RFX3: variants seen among roughly 807,000 people sequenced by gnomAD.
The protein encoded by RFX3 is transcription factor RFX3.
RFX3 carries 14 observed loss-of-function variants against 98.6 expected under a neutral mutation model. The ratio of observed to expected loss-of-function variants is 0.14; its 90% CI spans 0.09 to 0.22. The LOEUF (loss-of-function observed/expected upper bound fraction) is 0.22. Among genes scored for constraint, RFX3 ranks in the 10% least tolerant of loss-of-function variants. RFX3 has a pLI of 1.00. For synonymous variants in RFX3, 383 were observed against 328.4 expected, an observed-to-expected ratio of 1.17 and a Z score of -1.80; for missense variants, 639 against 926.9, an observed-to-expected ratio of 0.69 and a Z score of 4.03.
In RFX3 at chr9:3,421,268, C is replaced by T. The variant is rs997795437; in HGVS notation, c.-8-25672G>A. ...CAAAGCTTACAAAGTCTTGAGGAGCCGGTCAAAACCAAGTGGAGAAAGCTA... is the reference window on the plus strand; with the variant it reads ...CAAAGCTTACAAAGTCTTGAGGAGCTGGTCAAAACCAAGTGGAGAAAGCTA... On this transcript the variant is annotated intron_variant, in intron 1 of 16. Transcript: ENST00000617270. Among the ~76,000 whole-genome samples, 12 of 152,208 alleles carry T rather than the reference C, an allele frequency of 7.9e-5. No individual in the cohort carries two copies. The East Asian group carries it at 1.7e-3, about 22-fold the overall frequency.
At chr9:3,239,591 A>G (rs1279789194) in intron 15 of RFX3, among the ~76,000 whole-genome samples, 2 of 152,230 alleles carry the variant, frequency 1.3e-5, no homozygotes, top group South Asian at 2.1e-4. Context: ...ACACACTTAC[A>G]AGTGAGTGTG....
intron 1 of RFX3, among the ~76,000 whole-genome samples, chr9:3,484,826 G>A (rs1399324322): frequency 2.6e-5 from 4 of 152,034 alleles, no homozygotes; most frequent in Non-Finnish European, 5.9e-5. Context: ...GGCTCAACCT[G>A]TAATCCTAAC....
At chr9:3,440,315 T>C (rs533317488) in intron 1 of RFX3, among the ~76,000 whole-genome samples, 1 of 152,014 alleles carries the variant, frequency 6.6e-6, no homozygotes, top group East Asian at 1.9e-4. Context: ...GAAATAAAAT[T>C]CTATTCAGAC....
chr9:3,398,648 T>C (rs1322109074), intron 1 of RFX3, among the ~76,000 whole-genome samples: 3 of 152,118 alleles, frequency 2.0e-5, no homozygotes, highest in African/African-American at 4.8e-5. Flanking sequence ...CTTACAATGA[T>C]GTCACTCGCA....
chr9:3,302,669 T>C (rs1828805302), intron 4 of RFX3, among the ~76,000 whole-genome samples: 1 of 151,844 alleles, frequency 6.6e-6, no homozygotes, highest in Non-Finnish European at 1.5e-5. Context: ...TTCTTATACT[T>C]TGACTATGGA....
intron 15 of RFX3, among the ~76,000 whole-genome samples, chr9:3,231,311 T>C (rs1439477356): frequency 6.6e-6 from 1 of 152,178 alleles, no homozygotes; most frequent in Admixed American, 6.5e-5. Flanking sequence ...ATATGCATTT[T>C]ACATGTGAGG....
At chr9:3,524,165 G>C (rs1362678168) in intron 1 of RFX3, among the ~76,000 whole-genome samples, 2 of 152,054 alleles carry the variant, frequency 1.3e-5, no homozygotes, top group East Asian at 3.8e-4. Flanking sequence ...CATTATATTT[G>C]TTTTAGCACA....
chr9:3,335,962 T>A (rs1833129611), intron 3 of RFX3, among the ~76,000 whole-genome samples: 3 of 152,340 alleles, frequency 2.0e-5, no homozygotes, highest in Non-Finnish European at 4.4e-5. Context: ...ACCAGTTTTT[T>A]TCTGTTTTCT....
intron 14 of RFX3, 63 bp from the exon 15 acceptor site, chr9:3,248,248 A>G: frequency 6.7e-7 from 1 of 1,488,976 alleles, no homozygotes; most frequent in Non-Finnish European, 8.9e-7. Context: ...CATTCTACCT[A>G]TTTTTCCTCT....
At chr9:3,476,240 T>C (rs1424804255) in intron 1 of RFX3, among the ~76,000 whole-genome samples, 4 of 151,574 alleles carry the variant, frequency 2.6e-5, no homozygotes, top group Non-Finnish European at 5.9e-5. Context: ...AGATCTAGTA[T>C]AACTCTTGTT....
At position 3,426,674 on chromosome 9, in the gene RFX3, C is replaced by T. The variant is rs975231068; in HGVS notation, c.-8-31078G>A. On this transcript the variant is annotated intron_variant, in intron 1 of 16. Coordinates refer to ENST00000617270, the MANE Select transcript of RFX3 (RefSeq NM_001282116.2). ...GGAATGCAAACCCTGTTGTGAACTG[C>T]CCATGCGAGGGATCTAGGTTGCATG... Among the ~76,000 whole-genome samples, 5 of 152,258 alleles carry T rather than the reference C, an allele frequency of 3.3e-5. No individual in the cohort carries two copies. The East Asian group carries it at 9.7e-4, about 29-fold the overall frequency.
chr9:3,243,583 T>C (rs1423751296), intron 15 of RFX3, among the ~76,000 whole-genome samples: 1 of 152,174 alleles, frequency 6.6e-6, no homozygotes, highest in African/African-American at 2.4e-5. Flanking sequence ...GTAAAACGGG[T>C]TGTTCTTTCC....
At chr9:3,387,980 T>C (rs1359663804) in intron 2 of RFX3, among the ~76,000 whole-genome samples, 1 of 152,164 alleles carries the variant, frequency 6.6e-6, no homozygotes, top group Non-Finnish European at 1.5e-5. Flanking sequence ...AAGATACTTT[T>C]GATCAAAATT....
rs191951109 is a variant in RFX3 at position 3,419,477 on chromosome 9, C to T, written c.-8-23881G>A. ...TGTAATCCATGCTCTGTCTTTTTGA[C>T]ACTGAGGCAAACCCTTCTTACCTGG... On this transcript the variant is annotated intron_variant, in intron 1 of 16. Coordinates refer to ENST00000617270, the MANE Select transcript of RFX3 (RefSeq NM_001282116.2). Among the ~76,000 whole-genome samples the T allele has an allele frequency of 5.3e-5, 8 of 152,240 alleles. No homozygotes were observed. The East Asian group carries it at 7.7e-4, about 15-fold the overall frequency.
At chr9:3,318,025 C>A (rs1028525087) in intron 4 of RFX3, among the ~76,000 whole-genome samples, 1 of 152,104 alleles carries the variant, frequency 6.6e-6, no homozygotes, top group Non-Finnish European at 1.5e-5. Context: ...TTACTGGGTA[C>A]GTACCCAAAG....
At chr9:3,357,119 C>T (rs1318603773) in intron 2 of RFX3, among the ~76,000 whole-genome samples, 1 of 151,820 alleles carries the variant, frequency 6.6e-6, no homozygotes, top group African/African-American at 2.4e-5. Flanking sequence ...TCACTTTTTT[C>T]ATAATATAAT....
chr9:3,240,815 G>C (rs1478493251), intron 15 of RFX3, among the ~76,000 whole-genome samples: 1 of 152,150 alleles, frequency 6.6e-6, no homozygotes, highest in East Asian at 1.9e-4. Flanking sequence ...TCAAAGCCAA[G>C]AGCCACTTGG....
At chr9:3,518,207 TAC>T (rs1818362726) in intron 1 of RFX3, among the ~76,000 whole-genome samples, 1 of 152,182 alleles carries the variant, frequency 6.6e-6, no homozygotes, top group African/African-American at 2.4e-5. Flanking sequence ...ATCACCTAAC[TAC>T]GTAATTCTCA....
intron 2 of RFX3, among the ~76,000 whole-genome samples, chr9:3,369,305 C>T (rs1265126776): frequency 6.6e-6 from 1 of 152,170 alleles, no homozygotes; most frequent in Non-Finnish European, 1.5e-5. Flanking sequence ...TTCCTATGTC[C>T]TCACGTGGAT....
Sources: allele counts gnomAD v4.1 joint callset (sites outside exome capture counted in the v4.1 genomes callset), GRCh38; gene constraint gnomAD v4.1.1; transcripts MANE v1.5; gene names NCBI Gene and HGNC (gene_info 2026-07-23, HGNC 2026-07-21).